The following FAM174A variants were observed in gnomAD, a reference collection of about 807,000 sequenced individuals.
FAM174A encodes the protein membrane protein FAM174A.
FAM174A carries 14 observed loss-of-function variants against 14.3 expected under a neutral mutation model. The ratio of observed to expected loss-of-function variants is 0.98; its 90% confidence interval spans 0.65 to 1.53. The LOEUF (loss-of-function observed/expected upper bound fraction) is 1.53. Ranked by LOEUF, FAM174A falls within the 40% of genes most tolerant of loss-of-function variation. The pLI is 0.00. For synonymous variants in FAM174A, 108 were observed against 111.4 expected (o/e 0.97, Z 0.19); for missense variants, 241 against 249.6 (o/e 0.97, Z 0.23).
At chr5:100,543,199 C>T (rs1746096877) in intron 1 of FAM174A, among the ~76,000 whole-genome samples, 1 of 152,190 alleles carries the variant, frequency 6.6e-6, no homozygotes, top group Non-Finnish European at 1.5e-5. Flanking sequence ...CTCACTGCAA[C>T]CTCTGCCTCC....
chr5:100,553,044 G>C (rs1292288311), intron 1 of FAM174A, among the ~76,000 whole-genome samples: 1 of 151,964 alleles, frequency 6.6e-6, no homozygotes, highest in Non-Finnish European at 1.5e-5. Context: ...TAGTAGAAAA[G>C]TGCATATCTT....
At chr5:100,569,559 G>C (rs1438331997) in intron 2 of FAM174A, among the ~76,000 whole-genome samples, 1 of 151,852 alleles carries the variant, frequency 6.6e-6, no homozygotes, top group Non-Finnish European at 1.5e-5. Flanking sequence ...TGTATTGTTG[G>C]AGGTGGATTT....
At chr5:100,566,141 GATATATATATATAT>G (rs60895683) in intron 2 of FAM174A, among the ~76,000 whole-genome samples, 145 of 81,804 alleles carry the variant, frequency 1.8e-3, no homozygotes, top group Non-Finnish European at 2.3e-3. Context: ...TGAAAAGTAT[GATATATATATATAT>G]ATATATATAT....
intron 1 of FAM174A, among the ~76,000 whole-genome samples, chr5:100,559,699 G>A (rs1746482830): frequency 6.6e-6 from 1 of 151,754 alleles, no homozygotes; most frequent in Non-Finnish European, 1.5e-5. Flanking sequence ...TCATTCATTT[G>A]ATCTTCCATC....
At chr5:100,544,296 C>T (rs531410627) in intron 1 of FAM174A, among the ~76,000 whole-genome samples, 12 of 152,078 alleles carry the variant, frequency 7.9e-5, no homozygotes, top group African/African-American at 2.9e-4. Context: ...AAGTCAAGGT[C>T]GTACCCCTGC....
At chr5:100,554,895 A>T (rs963173835) in intron 1 of FAM174A, among the ~76,000 whole-genome samples, 1 of 151,140 alleles carries the variant, frequency 6.6e-6, no homozygotes, top group Non-Finnish European at 1.5e-5. Context: ...ATACTATCTA[A>T]TTTTTTTTTA....
Position 100,535,913 on chromosome 5 carries a change from T to C in FAM174A, c.383T>C (p.Leu128Ser). ...KPMTQRALTV[L>S]MVVSGAVLVY... is the part of the protein sequence containing the mutation. ...ATGACCCAGCGGGCCCTGACCGTGT[T>C]GATGGTGGTGAGCGGCGCGGTGCTG... The change falls in exon 1 of 3, where the codon TTG becomes TCG. Residue 128 changes from leucine (L) to serine (S), a missense_variant. Leu to Ser is a moderately radical substitution (Grantham distance 145). Coordinates refer to ENST00000312637, the MANE Select transcript of FAM174A (RefSeq NM_198507.3). The C allele has an allele frequency of 6.2e-7, 1 of 1,610,836 alleles. No homozygotes were observed.
Position 100,535,883 on chromosome 5 carries a change from A to G in FAM174A, c.353A>G (p.Lys118Arg). Reference protein sequence around the residue: ...GLAVSPNPGDKPMTQRALTVL... With the variant: ...GLAVSPNPGDRPMTQRALTVL... ...GCTGTGAGCCCCAACCCTGGCGACA[A>G]GCCCATGACCCAGCGGGCCCTGACC... The change falls in exon 1 of 3, where the codon AAG becomes AGG. Residue 118 changes from lysine (K) to arginine (R), a missense_variant. By Grantham distance (26) the Lys-to-Arg change is conservative. Transcript: ENST00000312637. 2.5e-6 allele frequency: 4 copies of G among 1,613,204 alleles called. 1 individual carries two copies. In the South Asian group the frequency reaches 3.3e-5, roughly 13 times the overall value.
In FAM174A at chr5:100,586,345, T is replaced by G; in HGVS notation, c.*161T>G. On this transcript the variant is annotated 3_prime_UTR_variant, in exon 3 of 3. Transcript: ENST00000312637. ...CTGTTGCAATAAATACCGTATCCTT[T>G]TATTATATCTTTATATGTATAGAAG... 2.3e-6 allele frequency: 1 copy of G among 436,716 alleles called. No homozygotes were observed. Among genetic ancestry groups the G allele is most frequent in the Non-Finnish European group, 4.2e-6 (1 of 236,678 alleles). 27.1% of individuals were successfully genotyped at this position (436,716 alleles called of 1,614,324 possible). A position where few individuals can be genotyped will look rare whatever the true frequency, so the allele number is the denominator to read the frequency against.
chr5:100,582,290 A>C (rs968130853), intron 2 of FAM174A, among the ~76,000 whole-genome samples: 1 of 152,148 alleles, frequency 6.6e-6, no homozygotes, highest in Admixed American at 6.5e-5. Flanking sequence ...TTCAAAGTAA[A>C]AATATATTAG....
At chr5:100,581,388 A>G (rs773759457) in intron 2 of FAM174A, 139 of 985,172 alleles carry the variant, frequency 1.4e-4, no homozygotes, top group Non-Finnish European at 1.6e-4. Flanking sequence ...GAGGGATAGC[A>G]ACATGGATTT....
intron 2 of FAM174A, among the ~76,000 whole-genome samples, chr5:100,583,461 T>C (rs1026749570): frequency 2.6e-5 from 4 of 152,212 alleles, no homozygotes; most frequent in Non-Finnish European, 4.4e-5. Context: ...TTCTGCCACA[T>C]TGACTACTGC....
intron 1 of FAM174A, among the ~76,000 whole-genome samples, chr5:100,551,907 T>C (rs972464742): frequency 6.6e-6 from 1 of 152,194 alleles, no homozygotes; most frequent in African/African-American, 2.4e-5. Flanking sequence ...ATGATCTCAT[T>C]TTAACTTGAT....
intron 1 of FAM174A, among the ~76,000 whole-genome samples, chr5:100,543,451 G>A (rs535486280): frequency 4.6e-5 from 7 of 152,290 alleles, no homozygotes; most frequent in African/African-American, 1.4e-4. Flanking sequence ...ATAATCACAT[G>A]TTGTTAGTGG....
chr5:100,561,728 A>T (rs1424788236), intron 1 of FAM174A, among the ~76,000 whole-genome samples: 1 of 151,888 alleles, frequency 6.6e-6, no homozygotes, highest in Non-Finnish European at 1.5e-5. Flanking sequence ...TCAGTAAAGA[A>T]GTACCTGACC....
chr5:100,586,336 C>T lies in FAM174A; in HGVS notation c.*152C>T, dbSNP rs1037752738. ...TTTAATTTGCTGTTGCAATAAATAC[C>T]GTATCCTTTTATTATATCTTTATAT... On this transcript the variant is annotated 3_prime_UTR_variant, in exon 3 of 3. Coordinates refer to ENST00000312637, the MANE Select transcript of FAM174A (RefSeq NM_198507.3). The T allele has an allele frequency of 6.5e-6, 3 of 464,858 alleles. No homozygotes were observed. The highest frequency in any genetic ancestry group is 2.0e-5 in the African/African-American group (1 of 49,284). The allele number at this position is 464,858 out of a possible 1,614,324, so 28.8% of individuals were successfully genotyped here.
At chr5:100,585,797 A>T (rs1183198543) in intron 2 of FAM174A, among the ~76,000 whole-genome samples, 1 of 152,162 alleles carries the variant, frequency 6.6e-6, no homozygotes, top group Non-Finnish European at 1.5e-5. Flanking sequence ...GAATATATTT[A>T]TTGAAAAAAA....
At chr5:100,579,325 A>G (rs1380052956) in intron 2 of FAM174A, among the ~76,000 whole-genome samples, 1 of 152,182 alleles carries the variant, frequency 6.6e-6, no homozygotes, top group East Asian at 1.9e-4. Context: ...CTGTGGAGAC[A>G]CACTTCATTA....
intron 1 of FAM174A, among the ~76,000 whole-genome samples, chr5:100,542,872 T>C (rs1341999661): frequency 6.6e-6 from 1 of 151,704 alleles, no homozygotes; most frequent in Non-Finnish European, 1.5e-5. Context: ...GTGTATAATA[T>C]TCACACACAT....
Sources: allele counts gnomAD v4.1 joint callset (sites outside exome capture counted in the v4.1 genomes callset), GRCh38; gene constraint gnomAD v4.1.1; transcripts MANE v1.5; gene names NCBI Gene and HGNC (gene_info 2026-07-23, HGNC 2026-07-21).